ARFGEF1: variants seen among roughly 807,000 people sequenced by gnomAD.
The protein encoded by ARFGEF1 is ARF guanine nucleotide exchange factor 1.
ARFGEF1 carries 42 observed loss-of-function variants against 231.0 expected under a neutral mutation model. The observed-to-expected ratio is 0.18, with a 90% CI of 0.14 to 0.24. The LOEUF (loss-of-function observed/expected upper bound fraction) is 0.24, where lower values mean the gene tolerates loss of function less well. Among genes scored for constraint, ARFGEF1 ranks in the 10% least tolerant of loss-of-function variants. The pLI is 1.00. For missense variants in ARFGEF1, 1,345 were observed against 2,192.0 expected (o/e 0.61, Z 7.72); for synonymous variants, 710 against 732.3 (o/e 0.97, Z 0.49).
intron 5 of ARFGEF1, among the ~76,000 whole-genome samples, chr8:67,179,432 A>T (rs1397467466): frequency 6.6e-6 from 1 of 152,216 alleles, no homozygotes; most frequent in Non-Finnish European, 1.5e-5. Flanking sequence ...TGAAAGAAAT[A>T]GTAAGTGGGC....
Position 67,269,019 on chromosome 8 carries a change from G to T in ARFGEF1, c.1573-1577C>A, listed in dbSNP as rs545608433. Among the ~76,000 whole-genome samples the T allele has an allele frequency of 3.3e-5, 5 of 152,216 alleles. No individual in the cohort carries two copies. The South Asian group carries it at 1.0e-3, about 32-fold the overall frequency. On this transcript the variant is annotated intron_variant, in intron 10 of 38. Coordinates refer to ENST00000262215, the MANE Select transcript of ARFGEF1 (RefSeq NM_006421.5). ...ATGGTTTATCAAATTGCACTAATAA[G>T]CAAAAGTCTATTGCTGTAATATAAG...
At chr8:67,262,948 G>A (rs1226047834) in intron 14 of ARFGEF1, among the ~76,000 whole-genome samples, 1 of 152,094 alleles carries the variant, frequency 6.6e-6, no homozygotes, top group Non-Finnish European at 1.5e-5. Context: ...TCACTGCTGT[G>A]GTATGGAACT....
chr8:67,299,186 A>T, intron 4 of ARFGEF1, 23 bp downstream of exon 4: 1 of 1,506,228 alleles, frequency 6.6e-7, no homozygotes, highest in Non-Finnish European at 8.8e-7. Flanking sequence ...ATTAATAACA[A>T]TTTTACTTTA....
intron 1 of ARFGEF1, among the ~76,000 whole-genome samples, chr8:67,336,785 C>A (rs950557425): frequency 1.3e-5 from 2 of 152,110 alleles, no homozygotes; most frequent in African/African-American, 4.8e-5. Flanking sequence ...AGGAAAAGAA[C>A]CAGACAAGTG....
At chr8:67,197,167 T>C (rs1276385888), downstream of ARFGEF1, among the ~76,000 whole-genome samples, 1 of 152,206 alleles carries the variant, frequency 6.6e-6, no homozygotes, top group Non-Finnish European at 1.5e-5. Context: ...ATTTTTGGGC[T>C]GGATATGGTG....
At chr8:67,303,100 C>T (rs1362255859) in intron 1 of ARFGEF1, among the ~76,000 whole-genome samples, 1 of 151,044 alleles carries the variant, frequency 6.6e-6, no homozygotes, top group African/African-American at 2.4e-5. Context: ...ACCCTGTCCT[C>T]CCACCAAAAA....
chr8:67,195,472 G>A (rs748165041), downstream of ARFGEF1: 22 of 1,614,068 alleles, frequency 1.4e-5, no homozygotes, highest in East Asian at 2.2e-5. Context: ...CCCTGGCTCC[G>A]CCCTGGCACT....
chr8:67,253,606 G>C lies in ARFGEF1; in HGVS notation c.2543C>G (p.Thr848Arg). The stretch of plus-strand genomic sequence containing the variant: ...ATTCATCTTAATGTATTGTTCCTTT[G>C]TCATTTTATTTTTCACCTAGATATG... ...LHSPQVKNKM[T>R]KEQYIKMNRG... The change falls in exon 18 of 39, where the codon ACA (threonine) becomes AGA (arginine). Residue 848 changes from threonine to arginine, a missense_variant. Coordinates refer to ENST00000262215, the MANE Select transcript of ARFGEF1 (RefSeq NM_006421.5). The C allele has an allele frequency of 6.7e-7, 1 of 1,482,012 alleles. No homozygotes were observed. The allele number at this position is 1,482,012 out of a possible 1,614,324, so 91.8% of individuals were successfully genotyped here.
chr8:67,267,061 T>C (rs1804881514), intron 12 of ARFGEF1, 30 bp downstream of exon 12: 5 of 1,609,878 alleles, frequency 3.1e-6, no homozygotes, highest in Non-Finnish European at 4.2e-6. Flanking sequence ...TGGTAAAGTT[T>C]AAATTTGAAA....
In ARFGEF1 at chr8:67,197,838, C is replaced by A. The variant is rs558658546; in HGVS notation, c.*1096G>T. 2 of 985,820 alleles carry A rather than the reference C, an allele frequency of 2.0e-6. No individual in the cohort carries two copies. Among genetic ancestry groups the A allele is most frequent in the Non-Finnish European group, 2.4e-6 (2 of 829,914 alleles). The allele number at this position is 985,820 out of a possible 1,614,324, so 61.1% of individuals were successfully genotyped here. ...AAATTTTCTACATCCACTGTTAATA[C>A]GGAATGCTTGACAATCTTGTCTTTT... On this transcript the variant is annotated 3_prime_UTR_variant, in exon 39 of 39. Coordinates refer to ENST00000262215, the MANE Select transcript of ARFGEF1 (RefSeq NM_006421.5).
intron 34 of ARFGEF1, among the ~76,000 whole-genome samples, chr8:67,205,353 A>G (rs1838475728): frequency 6.6e-6 from 1 of 152,190 alleles, no homozygotes; most frequent in South Asian, 2.1e-4. Context: ...TATACATGTT[A>G]GTGTATTTTA....
intron 7 of ARFGEF1, among the ~76,000 whole-genome samples, chr8:67,278,641 T>C (rs374269086): frequency 6.6e-6 from 1 of 151,356 alleles, no homozygotes; most frequent in African/African-American, 2.4e-5. Flanking sequence ...AGGTCAGGAG[T>C]TCGAGACTAG....
chr8:67,195,669 C>T, downstream of ARFGEF1: 1 of 1,272,562 alleles, frequency 7.9e-7, no homozygotes, highest in Middle Eastern at 2.3e-4. Context: ...ATATGTCCTA[C>T]TTTTGGCCCC....
At chr8:67,253,711 T>TA in intron 17 of ARFGEF1, 89 bp from the exon 18 acceptor site, 2 of 696,922 alleles carry the variant, frequency 2.9e-6, no homozygotes, top group Non-Finnish European at 4.2e-6. Flanking sequence ...ATAAGAGATT[T>TA]TGTAAATACT....
intron 5 of ARFGEF1, among the ~76,000 whole-genome samples, chr8:67,183,708 A>C (rs1187433084): frequency 1.3e-5 from 2 of 152,192 alleles, no homozygotes; most frequent in Non-Finnish European, 2.9e-5. Flanking sequence ...TAAAATGCCA[A>C]ACTCTAAAAC....
chr8:67,243,543 A>G (rs1257374999), intron 19 of ARFGEF1, among the ~76,000 whole-genome samples: 1 of 152,188 alleles, frequency 6.6e-6, no homozygotes, highest in Non-Finnish European at 1.5e-5. Context: ...CTCATGACAC[A>G]TGGGAATTAT....
At chr8:67,245,838 G>C (rs1249690770) in intron 19 of ARFGEF1, among the ~76,000 whole-genome samples, 1 of 150,356 alleles carries the variant, frequency 6.7e-6, no homozygotes, top group Non-Finnish European at 1.5e-5. Context: ...CCAATGATCT[G>C]TTGTGTACAT....
In ARFGEF1 at chr8:67,236,366, ATATATATATATATAT is replaced by A. The variant is rs1366285688; in HGVS notation, c.3289+1962_3289+1976del. Reference sequence around the variant, plus strand: ...ATATTAGTTAAAAAAAAAAAAAAAAATATATATATATATATATATATATATATATATATATATATA... The same window carrying A: ...ATATTAGTTAAAAAAAAAAAAAAAAAATATATATATATATATATATATATA... On this transcript the variant is annotated intron_variant, in intron 22 of 38. Coordinates refer to ENST00000262215, the MANE Select transcript of ARFGEF1 (RefSeq NM_006421.5). Among the ~76,000 whole-genome samples, 56 of 17,724 alleles carry A rather than the reference ATATATATATATATAT, an allele frequency of 3.2e-3. 5 individuals are homozygous for A. The highest frequency in any genetic ancestry group is 7.4e-3 in the African/African-American group (35 of 4,738). The allele number at this position is 17,724 out of a possible 152,430, so 11.6% of individuals were successfully genotyped here. A position where few individuals can be genotyped will look rare whatever the true frequency, so the allele number is the denominator to read the frequency against.
At chr8:67,174,314 T>A (rs574655674), downstream of ARFGEF1, 6 of 152,304 alleles carry the variant, frequency 3.9e-5, no homozygotes, top group Admixed American at 3.9e-4. Context: ...TAATTTCTGA[T>A]CATAAAGCTT....
Sources: gnomAD v4.1 joint callset for allele counts (sites outside exome capture counted in the v4.1 genomes callset) on GRCh38, gnomAD v4.1.1 for gene constraint, MANE v1.5 for transcripts, NCBI Gene and HGNC (gene_info 2026-07-23, HGNC 2026-07-21) for gene names.